The following SCML4 variants were observed in gnomAD, a reference collection of about 807,000 sequenced individuals.
The protein encoded by SCML4 is Scm polycomb group protein like 4.
SCML4 carries 34 observed loss-of-function variants against 41.1 expected under a neutral mutation model. The observed-to-expected ratio is 0.83, with a 90% confidence interval of 0.63 to 1.10. The LOEUF is 1.10. SCML4 is among the 50% of genes least tolerant of loss of function. The probability of loss-of-function intolerance (pLI) is 0.00; values close to 1 mark genes in which losing one functional copy is unlikely to be tolerated. For synonymous variants in SCML4, 214 were observed against 220.9 expected, an observed-to-expected ratio of 0.97 and a Z score of 0.28; for missense variants, 522 against 534.1, an observed-to-expected ratio of 0.98 and a Z score of 0.22.
intron 1 of SCML4, among the ~76,000 whole-genome samples, chr6:107,790,360 A>G (rs971679672): frequency 6.6e-6 from 1 of 152,156 alleles, no homozygotes. Context: ...GGGGAGAGAG[A>G]GCAATACAAT....
At chr6:107,771,259 T>A (rs537263819) in intron 2 of SCML4, among the ~76,000 whole-genome samples, 28 of 152,216 alleles carry the variant, frequency 1.8e-4, no homozygotes, top group Non-Finnish European at 3.5e-4. Context: ...ATAATTTCCA[T>A]ATATTTTCCT....
intron 1 of SCML4, among the ~76,000 whole-genome samples, chr6:107,803,326 C>A (rs1783409402): frequency 6.6e-6 from 1 of 151,568 alleles, no homozygotes; most frequent in Non-Finnish European, 1.5e-5. Flanking sequence ...GCCACTTTGT[C>A]TGGGAAGTGA....
At chr6:107,750,947 CTAA>C (rs754434721) in intron 2 of SCML4, among the ~76,000 whole-genome samples, 2 of 152,184 alleles carry the variant, frequency 1.3e-5, no homozygotes, top group Non-Finnish European at 2.9e-5. Flanking sequence ...GGATAGAATA[CTAA>C]TAATAGTCAT....
Position 107,822,676 on chromosome 6 carries a change from G to T in SCML4, c.-60+1450C>A, listed in dbSNP as rs189357027. ...CCAAAATATTTCAGAGCTCATCTACGTACACAATTTAAAGAGCTAAAGAAA... is the reference window on the plus strand; with the variant it reads ...CCAAAATATTTCAGAGCTCATCTACTTACACAATTTAAAGAGCTAAAGAAA... On this transcript the variant is annotated intron_variant, in intron 1 of 7. Coordinates refer to ENST00000369020, the MANE Select transcript of SCML4 (RefSeq NM_198081.5). Among the ~76,000 whole-genome samples, 43 of 151,874 alleles carry T rather than the reference G, an allele frequency of 2.8e-4. 1 individual carries two copies. The highest frequency in any genetic ancestry group is 4.3e-4 in the Non-Finnish European group (29 of 67,946).
rs79986424 is a variant in SCML4 at position 107,816,117 on chromosome 6, G to A, written c.-60+8009C>T. ...GACTCACAGACTCCTAGGGCCATGT[G>A]GCCCTCAATAAGTTAGTTATGTATA... On this transcript the variant is annotated intron_variant, in intron 1 of 7. Transcript: ENST00000369020. Among the ~76,000 whole-genome samples the A allele has an allele frequency of 8.1e-3, 1,236 of 152,300 alleles. 16 individuals carry two copies. Among genetic ancestry groups the A allele is most frequent in the African/African-American group, 0.029 (1,185 of 41,552 alleles).
At chr6:107,808,174 G>GA (rs1393774223) in intron 1 of SCML4, among the ~76,000 whole-genome samples, 1 of 152,106 alleles carries the variant, frequency 6.6e-6, no homozygotes, top group East Asian at 1.9e-4. Context: ...GCCAAAGGGG[G>GA]AAAAAACCTC....
intron 6 of SCML4, among the ~76,000 whole-genome samples, chr6:107,709,055 A>G (rs752030869): frequency 2.0e-5 from 3 of 151,952 alleles, no homozygotes; most frequent in Non-Finnish European, 2.9e-5. Context: ...CCAGCCCCAG[A>G]GCCTGCCACC....
At chr6:107,767,397 C>T (rs138520065) in intron 2 of SCML4, among the ~76,000 whole-genome samples, 323 of 152,270 alleles carry the variant, frequency 2.1e-3, no homozygotes, top group African/African-American at 7.1e-3. Context: ...GACAAACAAA[C>T]GAAAACCCTT....
intron 1 of SCML4, among the ~76,000 whole-genome samples, chr6:107,805,868 A>G (rs1473544521): frequency 1.3e-5 from 2 of 152,194 alleles, no homozygotes; most frequent in African/African-American, 4.8e-5. Flanking sequence ...TGACATTGAA[A>G]TTTGACAGAC....
intron 2 of SCML4, among the ~76,000 whole-genome samples, chr6:107,762,234 G>T (rs116208765): frequency 2.9e-3 from 442 of 151,864 alleles, no homozygotes; most frequent in African/African-American, 0.01. Context: ...TAATACAACA[G>T]AAAACAGAAC....
intron 7 of SCML4, among the ~76,000 whole-genome samples, chr6:107,707,457 G>A (rs1773766729): frequency 6.6e-6 from 1 of 152,132 alleles, no homozygotes; most frequent in East Asian, 1.9e-4. Context: ...TCCGAGTCAG[G>A]AACCGTGCTG....
intron 5 of SCML4, among the ~76,000 whole-genome samples, chr6:107,729,027 T>C (rs1247631371): frequency 2.0e-5 from 3 of 152,176 alleles, no homozygotes; most frequent in Admixed American, 2.0e-4. Flanking sequence ...TGGATGGCCC[T>C]CATCATTCGG....
At chr6:107,824,574 G>A (rs1056920408), upstream of SCML4, among the ~76,000 whole-genome samples, 2 of 149,252 alleles carry the variant, frequency 1.3e-5, no homozygotes, top group African/African-American at 2.5e-5. Context: ...GCTTTTTGTC[G>A]ACATGAGCTG....
intron 4 of SCML4, 135 bp downstream of exon 4, chr6:107,746,554 C>CT (rs1211302145): frequency 7.0e-6 from 5 of 712,780 alleles, no homozygotes; most frequent in Non-Finnish European, 1.2e-5. Context: ...AGCTCACAGG[C>CT]TCATAAAGAC....
intron 1 of SCML4, among the ~76,000 whole-genome samples, chr6:107,815,565 A>T (rs1237594617): frequency 5.9e-5 from 9 of 152,172 alleles, no homozygotes; most frequent in Non-Finnish European, 1.0e-4. Flanking sequence ...ATGTTATCTG[A>T]GTCACCAATC....
chr6:107,702,333 G>A lies in SCML4; in HGVS notation c.*2867C>T, dbSNP rs1399908520. ...CAGTTTTCTCCAAGACTTGAAATGA[G>A]AACATATCTCTCGCCTGAAAACTAC... On this transcript the variant is annotated 3_prime_UTR_variant, in exon 8 of 8. Coordinates refer to ENST00000369020, the MANE Select transcript of SCML4 (RefSeq NM_198081.5). Among the ~76,000 whole-genome samples the A allele has an allele frequency of 6.6e-6, 1 of 152,190 alleles. No individual in the cohort carries two copies. Among genetic ancestry groups the A allele is most frequent in the East Asian group, 1.9e-4 (1 of 5,196 alleles).
At chr6:107,743,333 C>A (rs998430704) in intron 5 of SCML4, among the ~76,000 whole-genome samples, 5 of 152,152 alleles carry the variant, frequency 3.3e-5, no homozygotes, top group African/African-American at 1.2e-4. Context: ...CAGGGAAGAA[C>A]TAGTCCCGCA....
At chr6:107,805,511 G>T (rs539133219) in intron 1 of SCML4, among the ~76,000 whole-genome samples, 4 of 152,170 alleles carry the variant, frequency 2.6e-5, no homozygotes, top group Non-Finnish European at 4.4e-5. Context: ...GAAAGTGAAG[G>T]ATGGCAGCCA....
chr6:107,726,532 C>CAAAAAAAAAAAAAAAAAAAAAA (rs59013088), intron 5 of SCML4, among the ~76,000 whole-genome samples: 1 of 72,394 alleles, frequency 1.4e-5, no homozygotes, highest in Admixed American at 2.0e-4. Flanking sequence ...GACTCCATCT[C>CAAAAAAAAAAAAAAAAAAAAAA]AAAAAAAAAA....
Sources: gnomAD v4.1 joint callset for allele counts (sites outside exome capture counted in the v4.1 genomes callset) on GRCh38, gnomAD v4.1.1 for gene constraint, MANE v1.5 for transcripts, NCBI Gene and HGNC (gene_info 2026-07-23, HGNC 2026-07-21) for gene names.